BCL2L11: variants seen among roughly 807,000 people sequenced by gnomAD.
The protein encoded by BCL2L11 is BCL2 like 11, also known as bcl-2-like protein 11.
BCL2L11 carries 15 observed loss-of-function variants against 20.6 expected under a neutral mutation model. The observed-to-expected ratio is 0.73, with a 90% confidence interval of 0.49 to 1.12. BCL2L11 has a LOEUF of 1.12. Among genes scored for constraint, BCL2L11 ranks in the 50% most tolerant of loss-of-function variants. The pLI is 0.00. For synonymous variants in BCL2L11, 108 were observed against 92.8 expected, an observed-to-expected ratio of 1.16 and a Z score of -0.94; for missense variants, 292 against 260.9, an observed-to-expected ratio of 1.12 and a Z score of -0.82.
intron 1 of BCL2L11, chr2:111,122,844 G>T: frequency 7.1e-6 from 7 of 985,460 alleles, no homozygotes; most frequent in Non-Finnish European, 7.2e-6. Context: ...GGGGGCGCCC[G>T]GTCGGCGAAG....
chr2:111,144,443 A>G (rs770120722), intron 2 of BCL2L11: 10 of 1,547,900 alleles, frequency 6.5e-6, no homozygotes, highest in Non-Finnish European at 8.7e-6. Flanking sequence ...TTCTGATAGC[A>G]TTTACCGCAA....
chr2:111,138,116 G>A (rs900372955), intron 2 of BCL2L11, among the ~76,000 whole-genome samples: 2 of 149,150 alleles, frequency 1.3e-5, no homozygotes, highest in African/African-American at 2.5e-5. Flanking sequence ...TCAAGTGATT[G>A]TCCTGCCTCA....
intron 2 of BCL2L11, among the ~76,000 whole-genome samples, chr2:111,127,709 C>T (rs1246710247): frequency 1.3e-5 from 2 of 152,106 alleles, no homozygotes. Flanking sequence ...GTAAGGTTTG[C>T]CACGTAGTGG....
At chr2:111,143,402 G>T (rs1349296702) in intron 2 of BCL2L11, among the ~76,000 whole-genome samples, 1 of 152,194 alleles carries the variant, frequency 6.6e-6, no homozygotes, top group African/African-American at 2.4e-5. Flanking sequence ...CACATGGAAA[G>T]AACTGGTTTA....
At chr2:111,162,953 T>TG (rs1332130430) in intron 3 of BCL2L11, 1 of 152,200 alleles carries the variant, frequency 6.6e-6, no homozygotes, top group Non-Finnish European at 1.5e-5. Flanking sequence ...TCACAGACTG[T>TG]GGTTACAGAG....
chr2:111,123,260 T>G (rs569362253), intron 1 of BCL2L11: 1 of 985,370 alleles, frequency 1.0e-6, no homozygotes, highest in Non-Finnish European at 1.2e-6. Flanking sequence ...TTCCCCAGAC[T>G]TGCTGCCCTC....
At chr2:111,162,214 A>G (rs1009327581) in intron 3 of BCL2L11, among the ~76,000 whole-genome samples, 3 of 152,166 alleles carry the variant, frequency 2.0e-5, no homozygotes, top group Non-Finnish European at 4.4e-5. Flanking sequence ...ATCCGTGGTA[A>G]TGGCTTCCTC....
At chr2:111,163,475 C>G (rs1358009794) in intron 3 of BCL2L11, 1 of 152,244 alleles carries the variant, frequency 6.6e-6, no homozygotes, top group Non-Finnish European at 1.5e-5. Flanking sequence ...CTGGTGATTT[C>G]CTTTTGAACA....
intron 3 of BCL2L11, among the ~76,000 whole-genome samples, chr2:111,162,283 A>G (rs551554991): frequency 6.6e-6 from 1 of 152,320 alleles, no homozygotes; most frequent in African/African-American, 2.4e-5. Context: ...CCATGTTGTC[A>G]TGCCCGCCGT....
chr2:111,132,322 T>C (rs532593629), intron 2 of BCL2L11: 1 of 152,154 alleles, frequency 6.6e-6, no homozygotes, highest in African/African-American at 2.4e-5. Flanking sequence ...AAAAAGAACA[T>C]GAAGAAAATT....
chr2:111,140,200 A>T (rs1254604719), intron 2 of BCL2L11, among the ~76,000 whole-genome samples: 1 of 152,160 alleles, frequency 6.6e-6, no homozygotes, highest in African/African-American at 2.4e-5. Context: ...ACAGTACATA[A>T]TGCTTGGTTT....
At chr2:111,145,466 A>G (rs1311304398) in intron 2 of BCL2L11, among the ~76,000 whole-genome samples, 1 of 152,154 alleles carries the variant, frequency 6.6e-6, no homozygotes, top group East Asian at 1.9e-4. Context: ...CCTGACTGAT[A>G]CTGAGCTCAT....
intron 2 of BCL2L11, among the ~76,000 whole-genome samples, chr2:111,127,718 G>A (rs1339321220): frequency 6.6e-6 from 1 of 152,106 alleles, no homozygotes; most frequent in Non-Finnish European, 1.5e-5. Context: ...GCCACGTAGT[G>A]GTGACAGCTG....
intron 3 of BCL2L11, among the ~76,000 whole-genome samples, chr2:111,150,756 T>C (rs191362143): frequency 1.1e-4 from 16 of 152,354 alleles, no homozygotes; most frequent in African/African-American, 3.8e-4. Context: ...TTTTGAGCTA[T>C]GTTCTTGATT....
At chr2:111,158,052 C>T (rs1221345628) in intron 3 of BCL2L11, among the ~76,000 whole-genome samples, 2 of 152,164 alleles carry the variant, frequency 1.3e-5, no homozygotes, top group African/African-American at 2.4e-5. Context: ...TAGCAATCTC[C>T]TCTGACACCT....
At position 111,168,407 on chromosome 2, in the gene BCL2L11, TTTATG is replaced by T. The variant is rs1355466490; in HGVS notation, c.*4180_*4184del. On this transcript the variant is annotated 3_prime_UTR_variant, in exon 4 of 4. Transcript: ENST00000393256. ...ATAACTGCAGATTTTTAAACAATCT[TTTATG>T]TTAATTTTATAAAAATAAAACTTTC... 7 of 152,800 alleles carry T rather than the reference TTTATG, an allele frequency of 4.6e-5. No individual in the cohort carries two copies. Among genetic ancestry groups the T allele is most frequent in the East Asian group, 1.9e-4 (1 of 5,194 alleles). 9.5% of individuals were successfully genotyped at this position (152,800 alleles called of 1,614,324 possible).
intron 2 of BCL2L11, chr2:111,142,279 C>A: frequency 6.5e-7 from 1 of 1,529,710 alleles, no homozygotes. Flanking sequence ...AGACATGGCA[C>A]AATTTATTTA....
chr2:111,142,297 T>A, intron 2 of BCL2L11: 1 of 1,548,850 alleles, frequency 6.5e-7, no homozygotes. Context: ...TTATACAACA[T>A]TTTTATGGCT....
intron 3 of BCL2L11, chr2:111,153,847 C>T: frequency 1.9e-6 from 3 of 1,551,360 alleles, no homozygotes; most frequent in Non-Finnish European, 1.7e-6. Flanking sequence ...AGTGGGGAAG[C>T]GTTTGAGACG....
Sources: gnomAD v4.1 joint callset for allele counts (sites outside exome capture counted in the v4.1 genomes callset) on GRCh38, gnomAD v4.1.1 for gene constraint, MANE v1.5 for transcripts, NCBI Gene and HGNC (gene_info 2026-07-23, HGNC 2026-07-21) for gene names.